SLC6A6: variants seen among roughly 807,000 people sequenced by gnomAD.
The protein encoded by SLC6A6 is sodium- and chloride-dependent taurine transporter.
Under a neutral mutation model 68.8 loss-of-function variants are expected in SLC6A6, and 16 were observed. That is an observed-to-expected ratio of 0.23 (90% CI 0.16 to 0.35). The LOEUF (loss-of-function observed/expected upper bound fraction) is 0.35, where lower values mean the gene tolerates loss of function less well. Ranked by LOEUF, SLC6A6 falls within the 10% of genes least tolerant of loss-of-function variation. The probability of loss-of-function intolerance (pLI) is 1.00; values close to 1 mark genes in which losing one functional copy is unlikely to be tolerated. For synonymous variants in SLC6A6, 312 were observed against 315.4 expected (o/e 0.99, Z 0.12); for missense variants, 474 against 802.8 (o/e 0.59, Z 4.95).
At chr3:14,467,774 A>G (rs1700654352) in intron 7 of SLC6A6, 79 bp from the exon 8 acceptor site, 1 of 810,220 alleles carries the variant, frequency 1.2e-6, no homozygotes, top group Non-Finnish European at 2.0e-6. Context: ...CCAGGTGGAC[A>G]TAACCCTCGC....
chr3:14,407,112 C>G (rs1364481331), intron 1 of SLC6A6, among the ~76,000 whole-genome samples: 1 of 150,524 alleles, frequency 6.6e-6, no homozygotes, highest in Admixed American at 6.6e-5. Flanking sequence ...TGCAGTGGTG[C>G]CATCACAGTT....
intron 2 of SLC6A6, among the ~76,000 whole-genome samples, chr3:14,442,709 A>G (rs1422923119): frequency 6.6e-6 from 1 of 152,204 alleles, no homozygotes; most frequent in Admixed American, 6.5e-5. Flanking sequence ...GGAGCCAAGC[A>G]TAAGTGGGCT....
At chr3:14,473,244 A>G (rs1223056071) in intron 10 of SLC6A6, among the ~76,000 whole-genome samples, 1 of 152,210 alleles carries the variant, frequency 6.6e-6, no homozygotes, top group East Asian at 1.9e-4. Flanking sequence ...GAGCACAGGC[A>G]TGACTCCAGG....
At chr3:14,403,903 G>T (rs1699045624) in intron 1 of SLC6A6, among the ~76,000 whole-genome samples, 1 of 152,248 alleles carries the variant, frequency 6.6e-6, no homozygotes, top group African/African-American at 2.4e-5. Flanking sequence ...TGTGTGCCGG[G>T]TAGGGCCACC....
Position 14,477,182 on chromosome 3 carries a change from GCT to G in SLC6A6, c.1210-14_1210-13del. The G allele has an allele frequency of 6.2e-7, 1 of 1,603,588 alleles. No homozygotes were observed. Among genetic ancestry groups the G allele is most frequent in the Non-Finnish European group, 8.5e-7 (1 of 1,172,576 alleles). The stretch of plus-strand genomic sequence containing the variant: ...TGGCCTGAGCGTCAGCCGCTCACCA[GCT>G]CTCTCTCTTCCCCTCCTCAGTTTGT... On this transcript the variant is annotated intron_variant, in intron 10 of 14. Coordinates refer to ENST00000622186, the MANE Select transcript of SLC6A6 (RefSeq NM_003043.6). The surrounding 1 kb of genome is among the most constrained non-coding windows in gnomAD (Gnocchi z 4.2).
At position 14,446,925 on chromosome 3, in the gene SLC6A6, C is replaced by T. The variant is rs968452078; in HGVS notation, c.365-657C>T. On this transcript the variant is annotated intron_variant, in intron 4 of 14. Coordinates refer to ENST00000622186, the MANE Select transcript of SLC6A6 (RefSeq NM_003043.6). ...GTGAGTCTCTTCATTCGGTCATCCACGTAAATCCATTTATCCTTAAGCCTT... is the reference window on the plus strand; with the variant it reads ...GTGAGTCTCTTCATTCGGTCATCCATGTAAATCCATTTATCCTTAAGCCTT... Among the ~76,000 whole-genome samples the T allele has an allele frequency of 4.6e-5, 7 of 152,142 alleles. No homozygotes were observed. The South Asian group carries it at 6.2e-4, about 14-fold the overall frequency.
rs186931537 is a variant in SLC6A6 at position 14,465,817 on chromosome 3, T to C, written c.733-699T>C. ...TCTACACACGCACTTGATAGCTTACTCTCTGATTTTGCTTTTTCCACCTCT... is the reference window on the plus strand; with the variant it reads ...TCTACACACGCACTTGATAGCTTACCCTCTGATTTTGCTTTTTCCACCTCT... On this transcript the variant is annotated intron_variant, in intron 6 of 14. Coordinates refer to ENST00000622186, the MANE Select transcript of SLC6A6 (RefSeq NM_003043.6). Among the ~76,000 whole-genome samples, 373 of 152,350 alleles carry C rather than the reference T, an allele frequency of 2.4e-3. 3 individuals are homozygous for C. Among genetic ancestry groups the C allele is most frequent in the African/African-American group, 8.3e-3 (346 of 41,592 alleles).
chr3:14,476,750 A>G (rs1025567707), intron 10 of SLC6A6, among the ~76,000 whole-genome samples: 1 of 152,226 alleles, frequency 6.6e-6, no homozygotes, highest in Non-Finnish European at 1.5e-5. Flanking sequence ...CCAAAAGTGA[A>G]TGTGATACCA....
chr3:14,408,703 T>C (rs1699165039), intron 1 of SLC6A6, among the ~76,000 whole-genome samples: 1 of 152,254 alleles, frequency 6.6e-6, no homozygotes, highest in African/African-American at 2.4e-5. Context: ...GACTCCTTTT[T>C]GTTACTTACT....
Position 14,443,555 on chromosome 3 carries a change from G to A in SLC6A6, c.-11-69G>A, listed in dbSNP as rs1229247310. 5 of 1,115,674 alleles carry A rather than the reference G, an allele frequency of 4.5e-6. No individual in the cohort carries two copies. The African/African-American group carries it at 4.7e-5, about 10-fold the overall frequency. The allele number at this position is 1,115,674 out of a possible 1,614,324, so 69.1% of individuals were successfully genotyped here. On this transcript the variant is annotated intron_variant, in intron 2 of 14. Transcript: ENST00000622186. ...GAGCCGGCTCGTGGATGAGGAAGCA[G>A]AGATTGTGTCTGAGACATACAGGTG...
chr3:14,426,123 C>G (rs1699591513), intron 2 of SLC6A6, among the ~76,000 whole-genome samples: 1 of 152,110 alleles, frequency 6.6e-6, no homozygotes, highest in Admixed American at 6.6e-5. Context: ...AAAATAATTC[C>G]CCTGCCTCCT....
intron 1 of SLC6A6, chr3:14,411,270 T>G (rs1699246920): frequency 6.6e-6 from 1 of 152,280 alleles, no homozygotes; most frequent in Admixed American, 6.5e-5. Flanking sequence ...CTTCTTTCCT[T>G]GTTTGTAGTC....
chr3:14,456,358 C>T (rs954696462), intron 5 of SLC6A6, among the ~76,000 whole-genome samples: 4 of 152,196 alleles, frequency 2.6e-5, no homozygotes, highest in Non-Finnish European at 5.9e-5. Context: ...ATCGGTCCTA[C>T]AGTGACATGT....
chr3:14,408,964 G>A (rs760867051), intron 1 of SLC6A6, among the ~76,000 whole-genome samples: 7 of 152,032 alleles, frequency 4.6e-5, no homozygotes, highest in East Asian at 1.9e-4. Flanking sequence ...CCGCTACCAC[G>A]CCCAGCTAAT....
At chr3:14,452,201 G>C (rs559477192) in intron 5 of SLC6A6, among the ~76,000 whole-genome samples, 24 of 152,268 alleles carry the variant, frequency 1.6e-4, no homozygotes, top group Non-Finnish European at 2.6e-4. Context: ...CTTTCCTTGT[G>C]GGGGGAGACA....
chr3:14,416,143 A>G (rs1313986107), intron 1 of SLC6A6, among the ~76,000 whole-genome samples: 1 of 152,002 alleles, frequency 6.6e-6, no homozygotes, highest in Non-Finnish European at 1.5e-5. Context: ...GGCTGTGAAC[A>G]TGTGTGTGGC....
chr3:14,462,117 G>C (rs1358467106), intron 6 of SLC6A6, among the ~76,000 whole-genome samples: 1 of 152,352 alleles, frequency 6.6e-6, no homozygotes, highest in Non-Finnish European at 1.5e-5. Context: ...CACCACCAGA[G>C]GCCCCTGGCA....
chr3:14,411,588 TGGGGACACATCAA>T (rs1426239181), intron 1 of SLC6A6, among the ~76,000 whole-genome samples: 2 of 152,184 alleles, frequency 1.3e-5, no homozygotes, highest in Non-Finnish European at 2.9e-5. Flanking sequence ...TGCACTTGAC[TGGGGACACATCAA>T]GGGGAGGGAT....
chr3:14,458,455 T>C (rs974201027), intron 6 of SLC6A6, among the ~76,000 whole-genome samples: 1 of 152,240 alleles, frequency 6.6e-6, no homozygotes. Flanking sequence ...GTTGGGCTTC[T>C]AATAAATAGG....
Sources: allele counts gnomAD v4.1 joint callset (sites outside exome capture counted in the v4.1 genomes callset), GRCh38; gene constraint gnomAD v4.1.1; non-coding constraint Gnocchi (gnomAD v3.1); transcripts MANE v1.5; gene names NCBI Gene and HGNC (gene_info 2026-07-23, HGNC 2026-07-21).